Variants in LUC7L observed in about 807,000 individuals in gnomAD.
The protein encoded by LUC7L is LUC7 like.
In LUC7L, 29 loss-of-function variants were observed where a neutral mutation model predicts 51.1. The ratio of observed to expected loss-of-function variants is 0.57; its 90% CI spans 0.42 to 0.77. The LOEUF (loss-of-function observed/expected upper bound fraction) is 0.77. Among genes scored for constraint, LUC7L ranks in the 30% least tolerant of loss-of-function variants. The pLI is 0.00. For synonymous variants in LUC7L, 181 were observed against 180.7 expected (o/e 1.00, Z -0.01); for missense variants, 403 against 511.9 (o/e 0.79, Z 2.05).
intron 9 of LUC7L, 110 bp downstream of exon 9, chr16:189,858 T>C: frequency 1.3e-6 from 2 of 1,498,500 alleles, no homozygotes. Flanking sequence ...GCCCTACTCC[T>C]GAGGGTGAGC....
chr16:197,207 CTTTTTTTTTTTTT>C (rs754309530), intron 6 of LUC7L, among the ~76,000 whole-genome samples: 4 of 80,382 alleles, frequency 5.0e-5, no homozygotes, highest in Non-Finnish European at 7.0e-5. Flanking sequence ...TGCACCCAGC[CTTTTTTTTTTTTT>C]TTTTTTTTTT....
chr16:190,581 GAA>G lies in LUC7L; in HGVS notation c.777-13_777-12del. On this transcript the variant is annotated splice_polypyrimidine_tract_variant and intron_variant, in intron 7 of 9. Transcript: ENST00000293872. Reference sequence around the variant, plus strand: ...GTTCTTGATCCCGACCTAAAAGGGGGAAAAAAAGATGAACAAGGCCAGGCATG... The same window carrying G: ...GTTCTTGATCCCGACCTAAAAGGGGGAAAAAGATGAACAAGGCCAGGCATG... 13 of 1,612,460 alleles carry G rather than the reference GAA, an allele frequency of 8.1e-6. No individual in the cohort carries two copies. The highest frequency in any genetic ancestry group is 1.1e-5 in the Non-Finnish European group (13 of 1,179,678).
chr16:215,091 T>C (rs972976574), intron 3 of LUC7L, among the ~76,000 whole-genome samples: 8 of 152,052 alleles, frequency 5.3e-5, no homozygotes, highest in South Asian at 2.1e-4. Flanking sequence ...ATCTTTTTTT[T>C]CCTCTTAAAA....
At chr16:198,975 C>G in intron 6 of LUC7L, 87 bp downstream of exon 6, 2 of 1,377,408 alleles carry the variant, frequency 1.5e-6, no homozygotes, top group Non-Finnish European at 9.7e-7. Context: ...CCACCACGCC[C>G]GGCCAAAACA....
chr16:229,099 C>T (rs1020089629), intron 1 of LUC7L, 180 bp downstream of exon 1: 1 of 1,410,120 alleles, frequency 7.1e-7, no homozygotes, highest in Admixed American at 3.1e-5. Flanking sequence ...GACCCACGGC[C>T]GCCTCAGAGA....
chr16:217,923 C>T (rs2049852697), intron 3 of LUC7L, among the ~76,000 whole-genome samples: 2 of 150,382 alleles, frequency 1.3e-5, no homozygotes, highest in African/African-American at 4.9e-5. Flanking sequence ...CCTGTAATCA[C>T]AGCTACTTGG....
At chr16:196,430 A>G (rs1006012603) in intron 6 of LUC7L, among the ~76,000 whole-genome samples, 13 of 152,008 alleles carry the variant, frequency 8.6e-5, no homozygotes, top group Non-Finnish European at 1.8e-4. Context: ...AAACAAACAA[A>G]AAAAACCCAA....
intron 2 of LUC7L, among the ~76,000 whole-genome samples, chr16:223,369 A>G (rs1437869313): frequency 2.6e-5 from 4 of 152,052 alleles, no homozygotes; most frequent in Non-Finnish European, 4.4e-5. Flanking sequence ...AATAAAATAA[A>G]ATAATAGATA....
chr16:201,442 CT>C (rs779419613), intron 5 of LUC7L, among the ~76,000 whole-genome samples: 230 of 143,090 alleles, frequency 1.6e-3, no homozygotes, highest in African/African-American at 2.1e-3. Context: ...ATTTACATAA[CT>C]TTTTTTTTTT....
At chr16:228,692 A>G (rs1024646724) in intron 1 of LUC7L, 1 of 1,204,982 alleles carries the variant, frequency 8.3e-7, no homozygotes, top group Non-Finnish European at 1.1e-6. Flanking sequence ...CCTACACAGT[A>G]CAACCTACCT....
intron 3 of LUC7L, among the ~76,000 whole-genome samples, chr16:218,179 G>C (rs939592880): frequency 3.3e-5 from 5 of 151,482 alleles, no homozygotes; most frequent in Non-Finnish European, 5.9e-5. Context: ...GGCAACAACA[G>C]TGACACTCCG....
rs1331509731 is a variant in LUC7L at position 192,979 on chromosome 16, C to A, written c.724G>T (p.Asp242Tyr). ...CTCTCCTCTCTCCTCCTCAAGCGAT[C>A]CTGATTTCTCTTCTCCTGCTTTTCA... ...VAEKQEKRNQ[D>Y]RLRRREERER... The change falls in exon 7 of 10, where the codon GAT becomes TAT. Residue 242 changes from aspartate to tyrosine, a missense_variant. Around this residue, in one of 3 missense-constraint regions of LUC7L, gnomAD observed 206 missense variants for 218.3 expected, o/e 0.94. Transcript: ENST00000293872. 3 of 1,613,528 alleles carry A rather than the reference C, an allele frequency of 1.9e-6. No homozygotes were observed. In the South Asian group the frequency reaches 3.3e-5, roughly 18 times the overall value.
At chr16:213,684 C>T (rs940708666) in intron 3 of LUC7L, among the ~76,000 whole-genome samples, 10 of 151,814 alleles carry the variant, frequency 6.6e-5, no homozygotes, top group South Asian at 2.1e-4. Context: ...AGATTACAGG[C>T]GTGAGCCACC....
chr16:197,830 T>C (rs1304165070), intron 6 of LUC7L, among the ~76,000 whole-genome samples: 1 of 152,110 alleles, frequency 6.6e-6, no homozygotes, highest in Admixed American at 6.6e-5. Context: ...ACATTTCAGG[T>C]ATACAGGGGG....
At chr16:217,759 C>A (rs2049847297) in intron 3 of LUC7L, among the ~76,000 whole-genome samples, 1 of 150,710 alleles carries the variant, frequency 6.6e-6, no homozygotes, top group Admixed American at 6.6e-5. Flanking sequence ...TTACTTGAGG[C>A]CAGGTGCAGT....
At position 220,675 on chromosome 16, in the gene LUC7L, C is replaced by G; in HGVS notation, c.229G>C (p.Glu77Gln). 1.2e-6 allele frequency: 2 copies of G among 1,613,800 alleles called. No homozygotes were observed. Among genetic ancestry groups the G allele is most frequent in the Non-Finnish European group, 1.7e-6 (2 of 1,179,796 alleles). The change falls in exon 3 of 10, where the codon GAA (glutamate) becomes CAA (glutamine). Residue 77 changes from glutamate to glutamine, a missense_variant. Coordinates refer to ENST00000293872, the MANE Select transcript of LUC7L (RefSeq NM_201412.3). The stretch of plus-strand genomic sequence containing the variant: ...TCTAATTCAAAAAACAGGTCTCTTT[C>G]TTTACTTGCAATCTCATAATCTGCT... ...LRADYEIASK[E>Q]RDLFFELDAM...
intron 1 of LUC7L, chr16:229,069 C>T (rs1312914071): frequency 2.8e-6 from 4 of 1,416,542 alleles, no homozygotes; most frequent in Admixed American, 3.0e-5. Context: ...GCGCAGACTC[C>T]GAGAGAGGAG....
chr16:227,507 A>AT, intron 1 of LUC7L, 171 bp from the exon 2 acceptor site: 3 of 1,435,924 alleles, frequency 2.1e-6, no homozygotes, highest in Non-Finnish European at 2.7e-6. Flanking sequence ...TGGAATACAC[A>AT]TTTTTTTGAG....
chr16:220,617 G>C lies in LUC7L; in HGVS notation c.255+32C>G, dbSNP rs763842715. 7 of 1,486,726 alleles carry C rather than the reference G, an allele frequency of 4.7e-6. No homozygotes were observed. In the Admixed American group the frequency reaches 5.1e-5, roughly 11 times the overall value. The allele number at this position is 1,486,726 out of a possible 1,614,324, so 92.1% of individuals were successfully genotyped here. A position where few individuals can be genotyped will look rare whatever the true frequency, so the allele number is the denominator to read the frequency against. Reference sequence around the variant, plus strand: ...TTAGTTCAATATTGGGTTCTTCGCAGTAGGAATAAATCAACATTAAATAAA... The same window carrying C: ...TTAGTTCAATATTGGGTTCTTCGCACTAGGAATAAATCAACATTAAATAAA... On this transcript the variant is annotated intron_variant, in intron 3 of 9. Coordinates refer to ENST00000293872, the MANE Select transcript of LUC7L (RefSeq NM_201412.3).
Sources: allele counts gnomAD v4.1 joint callset (sites outside exome capture counted in the v4.1 genomes callset), GRCh38; gene constraint gnomAD v4.1.1; regional missense constraint gnomAD v4.1.1; transcripts MANE v1.5; gene names NCBI Gene and HGNC (gene_info 2026-07-23, HGNC 2026-07-21).